TNPO3: variants seen among roughly 807,000 people sequenced by gnomAD.
TNPO3 encodes the protein transportin-3.
Under a neutral mutation model 122.8 loss-of-function variants are expected in TNPO3, and 65 were observed. The ratio of observed to expected loss-of-function variants is 0.53; its 90% CI spans 0.43 to 0.65. TNPO3 has a LOEUF of 0.65. TNPO3 is among the 30% of genes least tolerant of loss of function. The pLI is 0.00. For missense variants in TNPO3, 850 were observed against 1,136.7 expected, an observed-to-expected ratio of 0.75 and a Z score of 3.63; for synonymous variants, 372 against 411.2, an observed-to-expected ratio of 0.90 and a Z score of 1.15.
intron 5 of TNPO3, among the ~76,000 whole-genome samples, chr7:129,001,712 T>G (rs1801971717): frequency 6.6e-6 from 1 of 152,222 alleles, no homozygotes; most frequent in African/African-American, 2.4e-5. Context: ...TAGCCTTCCA[T>G]GAGACAACAT....
intron 1 of TNPO3, among the ~76,000 whole-genome samples, chr7:129,026,459 A>G (rs1805189999): frequency 6.8e-6 from 1 of 147,334 alleles, no homozygotes. Context: ...CTGGAGTACA[A>G]TGGCACAATC....
At position 128,978,995 on chromosome 7, in the gene TNPO3, T is replaced by C; in HGVS notation, c.2049A>G (p.Pro683=). The C allele has an allele frequency of 6.2e-7, 1 of 1,614,010 alleles. No individual in the cohort carries two copies. The highest frequency in any genetic ancestry group is 1.3e-5 in the African/African-American group (1 of 75,054). The change falls in exon 16 of 23, where the codon CCA becomes CCG. Residue 683 remains proline, a synonymous_variant. Transcript: ENST00000265388. ...VGKGSAALLQ[P]LVTQMVNVYH... ...CAGATAACTTTACCTGTGTGACTAG[T>C]GGCTGCAGCAGTGCTGCAGATCCTT...
At chr7:128,976,634 C>T (rs908337267) in intron 16 of TNPO3, among the ~76,000 whole-genome samples, 33 of 152,192 alleles carry the variant, frequency 2.2e-4, no homozygotes, top group African/African-American at 6.5e-4. Flanking sequence ...CCACCATGCC[C>T]GGCCACGATA....
At chr7:129,011,828 G>A (rs1005914038) in intron 4 of TNPO3, among the ~76,000 whole-genome samples, 1 of 152,150 alleles carries the variant, frequency 6.6e-6, no homozygotes, top group Non-Finnish European at 1.5e-5. Flanking sequence ...TATGTTCATA[G>A]AGGATATGTA....
chr7:129,050,751 C>A (rs1446478792), intron 1 of TNPO3, among the ~76,000 whole-genome samples: 1 of 152,186 alleles, frequency 6.6e-6, no homozygotes, highest in Non-Finnish European at 1.5e-5. Flanking sequence ...TAGCTTATAA[C>A]CCCCAGGCTG....
At chr7:129,052,171 G>C (rs1172268423) in intron 1 of TNPO3, among the ~76,000 whole-genome samples, 1 of 152,178 alleles carries the variant, frequency 6.6e-6, no homozygotes, top group African/African-American at 2.4e-5. Context: ...GACCTGTATA[G>C]ACTTTACCAA....
chr7:129,050,102 G>C (rs1808533270), intron 1 of TNPO3, among the ~76,000 whole-genome samples: 1 of 151,694 alleles, frequency 6.6e-6, no homozygotes, highest in Admixed American at 6.6e-5. Flanking sequence ...AGGTGGGGTG[G>C]GCTGGGCGCA....
At chr7:128,964,477 A>G (rs944499748) in intron 21 of TNPO3, among the ~76,000 whole-genome samples, 99 of 151,874 alleles carry the variant, frequency 6.5e-4, no homozygotes, top group African/African-American at 2.3e-3. Context: ...CTGGGACTAC[A>G]GGTGCCCACC....
At chr7:128,999,932 A>G (rs1243866358) in intron 7 of TNPO3, among the ~76,000 whole-genome samples, 1 of 152,150 alleles carries the variant, frequency 6.6e-6, no homozygotes, top group Non-Finnish European at 1.5e-5. Flanking sequence ...TTCTTATACT[A>G]TAAAGAGGTA....
intron 1 of TNPO3, among the ~76,000 whole-genome samples, chr7:129,039,375 A>AACAT (rs1052628089): frequency 6.6e-6 from 1 of 152,140 alleles, no homozygotes; most frequent in Non-Finnish European, 1.5e-5. Context: ...CAGCCTGGGC[A>AACAT]ACATAGTGAA....
At chr7:129,035,978 G>C (rs1350150950) in intron 1 of TNPO3, among the ~76,000 whole-genome samples, 1 of 137,124 alleles carries the variant, frequency 7.3e-6, no homozygotes, top group Non-Finnish European at 1.5e-5. Flanking sequence ...TTTTGAGATG[G>C]AATCTCCTTC....
At chr7:129,045,059 G>C (rs772673669) in intron 1 of TNPO3, among the ~76,000 whole-genome samples, 1 of 152,146 alleles carries the variant, frequency 6.6e-6, no homozygotes, top group Non-Finnish European at 1.5e-5. Context: ...GCACATGGAT[G>C]AACCCTGAAG....
In TNPO3 at chr7:129,001,632, GAGCCTCTTTCTTTCTTTCAATTAT is replaced by G. The variant is rs199872008; in HGVS notation, c.697-422_697-399del. 1.3e-3 allele frequency among the ~76,000 whole-genome samples: 199 copies of G among 152,294 alleles called. 5 individuals carry two copies. In the East Asian group the frequency reaches 0.034, roughly 26 times the overall value. ...GATAAATGTAATAGGAAAACAATTA[GAGCCTCTTTCTTTCTTTCAATTAT>G]AGCCTCTTTCTGAACATGTACTTTA... On this transcript the variant is annotated intron_variant, in intron 5 of 22. Coordinates refer to ENST00000265388, the MANE Select transcript of TNPO3 (RefSeq NM_012470.4).
intron 4 of TNPO3, among the ~76,000 whole-genome samples, chr7:129,005,601 C>A (rs1422700615): frequency 2.0e-5 from 3 of 151,768 alleles, no homozygotes; most frequent in Non-Finnish European, 4.4e-5. Flanking sequence ...GCACCACCCC[C>A]CTCCTTCTCT....
At chr7:129,042,095 C>T (rs1807446665) in intron 1 of TNPO3, among the ~76,000 whole-genome samples, 1 of 152,168 alleles carries the variant, frequency 6.6e-6, no homozygotes, top group South Asian at 2.1e-4. Context: ...AAGCAGATTA[C>T]AGCTGCTAGT....
intron 9 of TNPO3, among the ~76,000 whole-genome samples, chr7:128,993,446 G>A (rs1237756684): frequency 3.3e-5 from 5 of 152,158 alleles, no homozygotes; most frequent in Admixed American, 2.0e-4. Flanking sequence ...GAGTTGGTAC[G>A]TAATTACTAA....
At chr7:128,979,158 T>C in intron 15 of TNPO3, 35 bp from the exon 16 acceptor site, 1 of 1,610,968 alleles carries the variant, frequency 6.2e-7, no homozygotes, top group Non-Finnish European at 8.5e-7. Context: ...AGAAAGAAAA[T>C]AATCAACAAC....
chr7:128,964,376 C>T (rs531004083), intron 21 of TNPO3, among the ~76,000 whole-genome samples: 2 of 144,690 alleles, frequency 1.4e-5, no homozygotes, highest in Non-Finnish European at 3.0e-5. Context: ...CGCTCTGTCG[C>T]CCAGGCTGGA....
At chr7:129,030,905 T>C (rs1805858778) in intron 1 of TNPO3, among the ~76,000 whole-genome samples, 1 of 152,182 alleles carries the variant, frequency 6.6e-6, no homozygotes, top group African/African-American at 2.4e-5. Context: ...GGCCAAAAGC[T>C]TAGTGTTGTG....
Sources: allele counts gnomAD v4.1 joint callset (sites outside exome capture counted in the v4.1 genomes callset), GRCh38; gene constraint gnomAD v4.1.1; transcripts MANE v1.5; gene names NCBI Gene and HGNC (gene_info 2026-07-23, HGNC 2026-07-21).